TTBK2: variants seen among roughly 807,000 people sequenced by gnomAD.
TTBK2 encodes tau-tubulin kinase 2.
TTBK2 carries 28 observed loss-of-function variants against 110.8 expected under a neutral mutation model. The observed-to-expected ratio is 0.25, with a 90% CI of 0.19 to 0.35. The LOEUF (loss-of-function observed/expected upper bound fraction) is 0.35. Ranked by LOEUF, TTBK2 falls within the 10% of genes least tolerant of loss-of-function variation. The probability of loss-of-function intolerance (pLI) is 1.00; values close to 1 mark genes in which losing one functional copy is unlikely to be tolerated. For missense variants in TTBK2, 1,369 were observed against 1,500.3 expected, an observed-to-expected ratio of 0.91 and a Z score of 1.45; for synonymous variants, 532 against 527.3, an observed-to-expected ratio of 1.01 and a Z score of -0.12.
chr15:42,821,605 T>G (rs923141720), intron 6 of TTBK2, among the ~76,000 whole-genome samples: 1 of 152,084 alleles, frequency 6.6e-6, no homozygotes, highest in Non-Finnish European at 1.5e-5. Context: ...CTGTCCCTTG[T>G]CAGCACTTAG....
At chr15:42,829,814 T>C (rs1362127248) in intron 5 of TTBK2, 124 bp downstream of exon 5, 1 of 1,371,270 alleles carries the variant, frequency 7.3e-7, no homozygotes, top group Non-Finnish European at 1.0e-6. Context: ...TCTATTGGAA[T>C]GAAAATATTA....
At chr15:42,807,033 C>T (rs563373923) in intron 9 of TTBK2, among the ~76,000 whole-genome samples, 1 of 152,216 alleles carries the variant, frequency 6.6e-6, no homozygotes, top group East Asian at 1.9e-4. Flanking sequence ...CATCTATGCC[C>T]TCAGAAAAAT....
Position 42,783,519 on chromosome 15 carries a change from T to C in TTBK2, c.1097A>G (p.Asp366Gly). ...ENGIPVGVSP[D>G]KLPGSLGHPR... ...GTGTCCCAGAGATCCAGGCAATTTA[T>C]CTGGTGACACACCAACAGGGATGCC... The change falls in exon 11 of 15, where the codon GAT becomes GGT. Residue 366 changes from aspartate to glycine, a missense_variant. Transcript: ENST00000267890. 6 of 1,614,186 alleles carry C rather than the reference T, an allele frequency of 3.7e-6. No homozygotes were observed. The highest frequency in any genetic ancestry group is 5.1e-6 in the Non-Finnish European group (6 of 1,180,018).
At chr15:42,813,160 AC>A (rs1470597852) in intron 7 of TTBK2, among the ~76,000 whole-genome samples, 1 of 152,136 alleles carries the variant, frequency 6.6e-6, no homozygotes, top group Admixed American at 6.5e-5. Context: ...ATATTTAAAA[AC>A]CCACACCTAG....
At chr15:42,805,348 G>A (rs992537179) in intron 9 of TTBK2, among the ~76,000 whole-genome samples, 1 of 152,114 alleles carries the variant, frequency 6.6e-6, no homozygotes, top group Non-Finnish European at 1.5e-5. Context: ...GAGTTGAACC[G>A]AAGAAACTAC....
chr15:42,753,269 T>A, intron 13 of TTBK2, 22 bp from the exon 14 acceptor site: 1 of 1,606,222 alleles, frequency 6.2e-7, no homozygotes, highest in South Asian at 1.1e-5. Context: ...GAAGAAAAAA[T>A]TAAAATGCAA....
intron 13 of TTBK2, among the ~76,000 whole-genome samples, chr15:42,772,796 A>T (rs567253877): frequency 6.6e-6 from 1 of 152,274 alleles, no homozygotes; most frequent in Admixed American, 6.5e-5. Flanking sequence ...AGATTGAAAA[A>T]TTAGCCAGGT....
intron 10 of TTBK2, among the ~76,000 whole-genome samples, chr15:42,793,875 T>C (rs1163562003): frequency 2.0e-5 from 3 of 151,802 alleles, no homozygotes; most frequent in Non-Finnish European, 4.4e-5. Context: ...ATGAGTGGTA[T>C]AATGTCCCAA....
chr15:42,851,322 A>G (rs1384163507), intron 3 of TTBK2, among the ~76,000 whole-genome samples: 1 of 151,930 alleles, frequency 6.6e-6, no homozygotes, highest in African/African-American at 2.4e-5. Flanking sequence ...TAAGCCCAAC[A>G]TTTTCGACAG....
chr15:42,894,735 C>T (rs763151932), intron 1 of TTBK2, among the ~76,000 whole-genome samples: 11 of 152,162 alleles, frequency 7.2e-5, no homozygotes, highest in Non-Finnish European at 1.5e-4. Flanking sequence ...GGCTGGGCAG[C>T]AGAGTGAGAC....
intron 13 of TTBK2, among the ~76,000 whole-genome samples, chr15:42,772,699 AT>A (rs1411010526): frequency 6.6e-6 from 1 of 152,138 alleles, no homozygotes; most frequent in Non-Finnish European, 1.5e-5. Flanking sequence ...TAATCCCAAG[AT>A]TATAGACAGG....
chr15:42,811,846 G>A, intron 7 of TTBK2, 66 bp from the exon 8 acceptor site: 1 of 1,458,080 alleles, frequency 6.9e-7, no homozygotes, highest in South Asian at 1.2e-5. Context: ...CATTGTTCAA[G>A]GTCTAACCAT....
intron 13 of TTBK2, among the ~76,000 whole-genome samples, chr15:42,757,549 A>G (rs2061965481): frequency 6.6e-6 from 1 of 152,248 alleles, no homozygotes; most frequent in Non-Finnish European, 1.5e-5. Context: ...AAAGTCAGGG[A>G]AACTGAGTCT....
chr15:42,802,098 G>GA, intron 9 of TTBK2: 1 of 1,456,658 alleles, frequency 6.9e-7, no homozygotes, highest in Non-Finnish European at 9.5e-7. Flanking sequence ...CCTTGTCTAT[G>GA]AAGGAGAAAA....
chr15:42,886,620 C>T (rs1895258067), intron 1 of TTBK2, among the ~76,000 whole-genome samples: 1 of 152,136 alleles, frequency 6.6e-6, no homozygotes, highest in Admixed American at 6.6e-5. Flanking sequence ...CCCTCAAACC[C>T]CACAACAGGA....
intron 3 of TTBK2, among the ~76,000 whole-genome samples, chr15:42,866,689 TAAA>T (rs1183239979): frequency 6.6e-6 from 1 of 151,782 alleles, no homozygotes; most frequent in Non-Finnish European, 1.5e-5. Flanking sequence ...CTAACAAACT[TAAA>T]AAAATAGAAA....
intron 6 of TTBK2, among the ~76,000 whole-genome samples, chr15:42,825,648 G>C (rs550312230): frequency 5.9e-4 from 90 of 152,212 alleles, no homozygotes; most frequent in Non-Finnish European, 1.1e-3. Context: ...CTAGGAGGCG[G>C]AGGTAGCAGT....
In TTBK2 at chr15:42,739,439, C is replaced by A. The variant is rs979211865; in HGVS notation, c.*6356G>T. ...TCTAATTCAAAACTAGATGCTCCCCCCTCCCTCTTTTTTCCCTAAAAGCTG... is the reference window on the plus strand; with the variant it reads ...TCTAATTCAAAACTAGATGCTCCCCACTCCCTCTTTTTTCCCTAAAAGCTG... On this transcript the variant is annotated 3_prime_UTR_variant, in exon 15 of 15. Coordinates refer to ENST00000267890, the MANE Select transcript of TTBK2 (RefSeq NM_173500.4). The A allele has an allele frequency of 6.6e-6, 1 of 152,198 alleles. No individual in the cohort carries two copies. Among genetic ancestry groups the A allele is most frequent in the Non-Finnish European group, 1.5e-5 (1 of 68,030 alleles). 9.4% of individuals were successfully genotyped at this position (152,198 alleles called of 1,614,324 possible). A position where few individuals can be genotyped will look rare whatever the true frequency, so the allele number is the denominator to read the frequency against.
Position 42,810,601 on chromosome 15 carries a change from C to A in TTBK2, c.822+13G>T. On this transcript the variant is annotated intron_variant, in intron 9 of 14. Coordinates refer to ENST00000267890, the MANE Select transcript of TTBK2 (RefSeq NM_173500.4). ...GAAAATAACTAACCCACAGAACTCA[C>A]AAAGATGGTTACCTGGTAGTCTGGT... 6.2e-7 allele frequency: 1 copy of A among 1,613,460 alleles called. No individual in the cohort carries two copies. The highest frequency in any genetic ancestry group is 2.2e-5 in the East Asian group (1 of 44,822).
Sources: allele counts gnomAD v4.1 joint callset (sites outside exome capture counted in the v4.1 genomes callset), GRCh38; gene constraint gnomAD v4.1.1; transcripts MANE v1.5; gene names NCBI Gene and HGNC (gene_info 2026-07-23, HGNC 2026-07-21).